Variants in SERTM1 observed in about 807,000 individuals in gnomAD.
The protein encoded by SERTM1 is serine rich and transmembrane domain containing 1, also known as serine-rich and transmembrane domain-containing protein 1.
SERTM1 carries 1 observed loss-of-function variant against 5.5 expected under a neutral mutation model. The observed-to-expected ratio is 0.18, with a 90% CI of 0.06 to 0.86. SERTM1 has a LOEUF of 0.86. Among genes scored for constraint, SERTM1 ranks in the 40% least tolerant of loss-of-function variants. The pLI is 0.69. For synonymous variants in SERTM1, 52 were observed against 55.1 expected, an observed-to-expected ratio of 0.94 and a Z score of 0.25; for missense variants, 91 against 122.4, an observed-to-expected ratio of 0.74 and a Z score of 1.21.
Position 36,695,966 on chromosome 13 carries a change from C to G in SERTM1, c.*564C>G, listed in dbSNP as rs1280114197. The G allele has an allele frequency of 6.0e-6, 1 of 167,118 alleles. No homozygotes were observed. The highest frequency in any genetic ancestry group is 6.5e-5 in the Admixed American group (1 of 15,284). 10.4% of individuals were successfully genotyped at this position (167,118 alleles called of 1,614,324 possible). A position where few individuals can be genotyped will look rare whatever the true frequency, so the allele number is the denominator to read the frequency against. ...TAACTTCACTTTAACAAGTAAAAAT[C>G]ACACTTATTGATGAATGTAAGTCAT... On this transcript the variant is annotated 3_prime_UTR_variant, in exon 2 of 2. Transcript: ENST00000315190.
intron 1 of SERTM1, among the ~76,000 whole-genome samples, chr13:36,678,613 T>C (rs1174109310): frequency 4.0e-5 from 6 of 150,876 alleles, no homozygotes; most frequent in African/African-American, 1.2e-4. Flanking sequence ...CCATGGCACA[T>C]GTTTACTTAT....
intron 1 of SERTM1, among the ~76,000 whole-genome samples, chr13:36,680,401 A>G (rs952751096): frequency 3.1e-4 from 47 of 152,234 alleles, no homozygotes; most frequent in Non-Finnish European, 5.6e-4. Context: ...ATATGATGAA[A>G]AGCCTCTGGA....
At chr13:36,692,193 G>A (rs1347831106) in intron 1 of SERTM1, among the ~76,000 whole-genome samples, 1 of 152,160 alleles carries the variant, frequency 6.6e-6, no homozygotes, top group African/African-American at 2.4e-5. Flanking sequence ...ATTCTTCCAA[G>A]GCCACTTAAA....
chr13:36,692,102 G>C (rs1430241075), intron 1 of SERTM1, among the ~76,000 whole-genome samples: 1 of 152,148 alleles, frequency 6.6e-6, no homozygotes, highest in Admixed American at 6.5e-5. Context: ...AATAATATTT[G>C]GGGGGAATAC....
At chr13:36,677,328 A>G (rs115840249) in intron 1 of SERTM1, among the ~76,000 whole-genome samples, 2,245 of 152,294 alleles carry the variant, frequency 0.015, 63 homozygotes, top group African/African-American at 0.05. Context: ...AACAGTGCCA[A>G]TGACAAACCT....
chr13:36,680,546 T>C (rs537196721), intron 1 of SERTM1, among the ~76,000 whole-genome samples: 1 of 152,114 alleles, frequency 6.6e-6, no homozygotes, highest in Non-Finnish European at 1.5e-5. Flanking sequence ...CTAGCTGGAG[T>C]TCCTACTACA....
intron 1 of SERTM1, among the ~76,000 whole-genome samples, chr13:36,690,620 A>G (rs1473756185): frequency 6.6e-6 from 1 of 152,244 alleles, no homozygotes; most frequent in Admixed American, 6.5e-5. Flanking sequence ...GGTCTTATAT[A>G]AAACATGCAT....
Position 36,691,398 on chromosome 13 carries a change from C to T in SERTM1, c.-173-3508C>T, listed in dbSNP as rs533330480. ...GTCTTACGTTGTCTCTCTGTTTCCC[C>T]ACCCCACTGGGCACATGGTGAGAGA... On this transcript the variant is annotated intron_variant, in intron 1 of 1. Transcript: ENST00000315190. Among the ~76,000 whole-genome samples the T allele has an allele frequency of 3.3e-5, 5 of 152,266 alleles. No homozygotes were observed. In the East Asian group the frequency reaches 9.6e-4, roughly 29 times the overall value.
intron 1 of SERTM1, among the ~76,000 whole-genome samples, chr13:36,687,249 T>G (rs192703312): frequency 6.6e-6 from 1 of 152,318 alleles, no homozygotes; most frequent in African/African-American, 2.4e-5. Context: ...GAATTCCTAT[T>G]GGGATATGCA....
chr13:36,680,731 T>C (rs866336166), intron 1 of SERTM1, among the ~76,000 whole-genome samples: 3 of 151,658 alleles, frequency 2.0e-5, no homozygotes, highest in Non-Finnish European at 4.4e-5. Flanking sequence ...GGTTTTACTT[T>C]GTTGTTGTTG....
In SERTM1 at chr13:36,695,478, C is replaced by T. The variant is rs2056807484; in HGVS notation, c.*76C>T. On this transcript the variant is annotated 3_prime_UTR_variant, in exon 2 of 2. Coordinates refer to ENST00000315190, the MANE Select transcript of SERTM1 (RefSeq NM_203451.3). ...GGAAGTGTCCCGTGAGGCATTGCCT[C>T]ATGAAAGAAATGATCCTTTTGGTGT... 1.9e-6 allele frequency: 2 copies of T among 1,061,206 alleles called. 1 individual carries two copies. Among genetic ancestry groups the T allele is most frequent in the Middle Eastern group, 4.2e-4 (2 of 4,782 alleles). 65.7% of individuals were successfully genotyped at this position (1,061,206 alleles called of 1,614,324 possible). A position where few individuals can be genotyped will look rare whatever the true frequency, so the allele number is the denominator to read the frequency against.
At chr13:36,694,357 C>T (rs1310020438) in intron 1 of SERTM1, among the ~76,000 whole-genome samples, 1 of 152,116 alleles carries the variant, frequency 6.6e-6, no homozygotes, top group Non-Finnish European at 1.5e-5. Flanking sequence ...TACCTAGGTA[C>T]ATTTAAGGAA....
intron 1 of SERTM1, among the ~76,000 whole-genome samples, chr13:36,683,465 G>A (rs1393279111): frequency 6.6e-6 from 1 of 152,140 alleles, no homozygotes; most frequent in Non-Finnish European, 1.5e-5. Flanking sequence ...GAGACCTTAT[G>A]TTAGTTAGTA....
chr13:36,679,470 C>A lies in SERTM1; in HGVS notation c.-174+5286C>A, dbSNP rs815067. On this transcript the variant is annotated intron_variant, in intron 1 of 1. Coordinates refer to ENST00000315190, the MANE Select transcript of SERTM1 (RefSeq NM_203451.3). ...ACCCAGGCTGGACAGTGCAGTGGCG[C>A]AATCTCGGCTCACTGCAACACCTGT... Among the ~76,000 whole-genome samples, 1,505 of 152,244 alleles carry A rather than the reference C, an allele frequency of 9.9e-3. 27 individuals are homozygous for A. Among genetic ancestry groups the A allele is most frequent in the African/African-American group, 0.032 (1,321 of 41,542 alleles).
intron 1 of SERTM1, among the ~76,000 whole-genome samples, chr13:36,686,657 T>C (rs1331995968): frequency 6.6e-6 from 1 of 152,206 alleles, no homozygotes; most frequent in Non-Finnish European, 1.5e-5. Flanking sequence ...AATATGCATT[T>C]CCTAAGAGCA....
At chr13:36,681,014 C>T (rs915536545) in intron 1 of SERTM1, among the ~76,000 whole-genome samples, 1 of 152,176 alleles carries the variant, frequency 6.6e-6, no homozygotes, top group Non-Finnish European at 1.5e-5. Context: ...CATCTGTTTT[C>T]ACTCCTCTTA....
At chr13:36,681,284 C>A (rs2056703332) in intron 1 of SERTM1, among the ~76,000 whole-genome samples, 1 of 152,138 alleles carries the variant, frequency 6.6e-6, no homozygotes, top group Non-Finnish European at 1.5e-5. Flanking sequence ...TGTAGCAAGA[C>A]TTTCTTGATG....
intron 1 of SERTM1, among the ~76,000 whole-genome samples, chr13:36,677,304 C>T (rs183321142): frequency 7.1e-4 from 108 of 152,272 alleles, no homozygotes; most frequent in African/African-American, 2.5e-3. Context: ...CATGAAGTAG[C>T]GTAATCCAGC....
At position 36,697,491 on chromosome 13, in the gene SERTM1, GA is replaced by G. The variant is rs2056824178; in HGVS notation, c.*2090del. ...GAAGTGATTTTTTTTTAAATAAAAG[GA>G]CAAATTTGCCACACAACAGAACAAT... On this transcript the variant is annotated 3_prime_UTR_variant, in exon 2 of 2. Coordinates refer to ENST00000315190, the MANE Select transcript of SERTM1 (RefSeq NM_203451.3). The G allele has an allele frequency of 6.0e-6, 1 of 166,434 alleles. No individual in the cohort carries two copies. The highest frequency in any genetic ancestry group is 1.5e-5 in the Non-Finnish European group (1 of 68,030). The allele number at this position is 166,434 out of a possible 1,614,324, so 10.3% of individuals were successfully genotyped here.
Sources: gnomAD v4.1 joint callset for allele counts (sites outside exome capture counted in the v4.1 genomes callset) on GRCh38, gnomAD v4.1.1 for gene constraint, MANE v1.5 for transcripts, NCBI Gene and HGNC (gene_info 2026-07-23, HGNC 2026-07-21) for gene names.